The following HPSE2 variants were observed in gnomAD, a reference collection of about 807,000 sequenced individuals.
The protein encoded by HPSE2 is inactive heparanase-2.
HPSE2 carries 38 observed loss-of-function variants against 60.5 expected under a neutral mutation model. That is an observed-to-expected ratio of 0.63 (90% CI 0.48 to 0.82). HPSE2 has a LOEUF of 0.82. Among genes scored for constraint, HPSE2 ranks in the 40% least tolerant of loss-of-function variants. The pLI is 0.00. For missense variants in HPSE2, 713 were observed against 740.4 expected (o/e 0.96, Z 0.43); for synonymous variants, 295 against 293.2 (o/e 1.01, Z -0.06).
chr10:99,106,542 A>G (rs1053531977), intron 3 of HPSE2, among the ~76,000 whole-genome samples: 1 of 151,778 alleles, frequency 6.6e-6, no homozygotes, highest in Non-Finnish European at 1.5e-5. Flanking sequence ...GTCATGATAT[A>G]TATAATCTTT....
chr10:99,132,946 G>A (rs1352480303), intron 3 of HPSE2, among the ~76,000 whole-genome samples: 2 of 152,222 alleles, frequency 1.3e-5, no homozygotes, highest in African/African-American at 4.8e-5. Flanking sequence ...GTCTGGCTCA[G>A]AGGGTCCCAC....
intron 2 of HPSE2, among the ~76,000 whole-genome samples, chr10:99,146,168 T>A (rs796094250): frequency 5.3e-5 from 8 of 152,372 alleles, no homozygotes; most frequent in African/African-American, 1.9e-4. Flanking sequence ...TTTACATTTA[T>A]ATAAATTACG....
intron 2 of HPSE2, among the ~76,000 whole-genome samples, chr10:99,186,003 G>A (rs1180145820): frequency 6.6e-6 from 1 of 151,656 alleles, no homozygotes; most frequent in Non-Finnish European, 1.5e-5. Context: ...AGAAAGAACA[G>A]GGCCAAAGAA....
chr10:98,695,285 G>A (rs1327601525), intron 5 of HPSE2, among the ~76,000 whole-genome samples: 4 of 152,180 alleles, frequency 2.6e-5, no homozygotes, highest in African/African-American at 7.2e-5. Context: ...GAAGGAGGAC[G>A]AGGACGGAGG....
chr10:98,472,191 AAT>A (rs962594789), intron 11 of HPSE2, among the ~76,000 whole-genome samples: 44 of 151,128 alleles, frequency 2.9e-4, no homozygotes, highest in Middle Eastern at 3.4e-3. Context: ...TATTTTTATA[AAT>A]ATATATATAT....
chr10:98,875,908 A>C (rs1052798057), intron 3 of HPSE2, among the ~76,000 whole-genome samples: 1 of 152,000 alleles, frequency 6.6e-6, no homozygotes, highest in Admixed American at 6.6e-5. Flanking sequence ...TTACAGAGTA[A>C]TATACTACAG....
At chr10:98,773,873 T>C (rs2785220) in intron 3 of HPSE2, among the ~76,000 whole-genome samples, 8,359 of 152,158 alleles carry the variant, frequency 0.055, 744 homozygotes, top group African/African-American at 0.19. Context: ...CTGGGCAACA[T>C]AGTGAGACCT....
intron 3 of HPSE2, among the ~76,000 whole-genome samples, chr10:99,077,359 C>CT (rs1167233354): frequency 6.6e-6 from 1 of 152,302 alleles, no homozygotes; most frequent in East Asian, 1.9e-4. Context: ...TCTTGGTCTG[C>CT]TTTCATGGAG....
chr10:98,881,335 T>C (rs913541455), intron 3 of HPSE2, among the ~76,000 whole-genome samples: 24 of 152,008 alleles, frequency 1.6e-4, no homozygotes, highest in Non-Finnish European at 3.4e-4. Flanking sequence ...TTTCAGTCAA[T>C]GACATGGATG....
chr10:98,999,219 A>C (rs1268887183), intron 3 of HPSE2, among the ~76,000 whole-genome samples: 2 of 151,622 alleles, frequency 1.3e-5, no homozygotes, highest in African/African-American at 2.4e-5. Context: ...AGAGAGAAAA[A>C]GAGAGATCAG....
chr10:99,043,000 C>A (rs945321199), intron 3 of HPSE2, among the ~76,000 whole-genome samples: 1 of 152,160 alleles, frequency 6.6e-6, no homozygotes, highest in African/African-American at 2.4e-5. Flanking sequence ...CACAAACAGA[C>A]CCCACACAGA....
At chr10:98,971,842 T>C (rs1955962086) in intron 3 of HPSE2, among the ~76,000 whole-genome samples, 1 of 152,110 alleles carries the variant, frequency 6.6e-6, no homozygotes, top group African/African-American at 2.4e-5. Flanking sequence ...AGAGTGAGCA[T>C]ACCCTTCATT....
At chr10:98,680,737 G>A (rs1289801893) in intron 6 of HPSE2, among the ~76,000 whole-genome samples, 1 of 152,072 alleles carries the variant, frequency 6.6e-6, no homozygotes, top group Non-Finnish European at 1.5e-5. Context: ...TGATTGAGCT[G>A]CAAACTGAAT....
intron 3 of HPSE2, among the ~76,000 whole-genome samples, chr10:98,877,144 T>C (rs909122745): frequency 2.6e-5 from 4 of 151,952 alleles, no homozygotes; most frequent in South Asian, 2.1e-4. Flanking sequence ...CGTTCTATTA[T>C]AAAACGAAAT....
chr10:99,166,207 A>G (rs1847077506), intron 2 of HPSE2, among the ~76,000 whole-genome samples: 3 of 152,184 alleles, frequency 2.0e-5, no homozygotes, highest in Non-Finnish European at 4.4e-5. Flanking sequence ...CCATTCACCC[A>G]CTGAAGGAAA....
chr10:99,278,411 T>A, the HPSE2 span, among the ~76,000 whole-genome samples: 1 of 152,176 alleles, frequency 6.6e-6, no homozygotes, highest in Non-Finnish European at 1.5e-5. Context: ...ATCATTGGCA[T>A]GCAGCTTCCA....
intron 3 of HPSE2, among the ~76,000 whole-genome samples, chr10:99,052,548 T>C (rs997833994): frequency 1.3e-5 from 2 of 151,906 alleles, no homozygotes; most frequent in South Asian, 2.1e-4. Context: ...TTTAAAAACA[T>C]TGACTTTTAG....
the HPSE2 span, among the ~76,000 whole-genome samples, chr10:99,262,508 TG>T: frequency 6.6e-6 from 1 of 152,046 alleles, no homozygotes; most frequent in East Asian, 1.9e-4. Flanking sequence ...ACTCCCTCCT[TG>T]GCAACTGATC....
At chr10:98,920,874 C>A (rs564714047) in intron 3 of HPSE2, among the ~76,000 whole-genome samples, 1 of 152,198 alleles carries the variant, frequency 6.6e-6, no homozygotes, top group African/African-American at 2.4e-5. Context: ...TGGAGTACAA[C>A]GTTCATCCAC....
Sources: gnomAD v4.1 joint callset for allele counts (sites outside exome capture counted in the v4.1 genomes callset) on GRCh38, gnomAD v4.1.1 for gene constraint, MANE v1.5 for transcripts, NCBI Gene and HGNC (gene_info 2026-07-23, HGNC 2026-07-21) for gene names.